The following DGKI variants were observed in gnomAD, a reference collection of about 807,000 sequenced individuals.
DGKI encodes diacylglycerol kinase iota.
In DGKI, 55 loss-of-function variants were observed where a neutral mutation model predicts 147.5. That is an observed-to-expected ratio of 0.37 (90% CI 0.30 to 0.47). The LOEUF (loss-of-function observed/expected upper bound fraction) is 0.47. Among genes scored for constraint, DGKI ranks in the 20% least tolerant of loss-of-function variants. DGKI has a pLI of 1.00. For synonymous variants in DGKI, 469 were observed against 477.1 expected (o/e 0.98, Z 0.22); for missense variants, 1,007 against 1,323.8 (o/e 0.76, Z 3.71).
At chr7:137,461,099 G>T (rs116429355) in intron 27 of DGKI, among the ~76,000 whole-genome samples, 5,683 of 152,232 alleles carry the variant, frequency 0.037, 252 homozygotes, top group East Asian at 0.12. Flanking sequence ...ACTTTTCACT[G>T]TACAAATGTA....
chr7:137,552,219 G>T, intron 20 of DGKI, 150 bp downstream of exon 20: 1 of 697,858 alleles, frequency 1.4e-6, no homozygotes, highest in Non-Finnish European at 2.4e-6. Context: ...AAAACTCTAT[G>T]TGTTCCTATG....
intron 1 of DGKI, among the ~76,000 whole-genome samples, chr7:137,833,663 A>T (rs1035648164): frequency 6.6e-6 from 1 of 152,210 alleles, no homozygotes; most frequent in Middle Eastern, 3.2e-3. Context: ...GGATATGAAC[A>T]AATTGGCAAT....
At chr7:137,577,614 A>T (rs573094990) in intron 16 of DGKI, among the ~76,000 whole-genome samples, 1 of 152,302 alleles carries the variant, frequency 6.6e-6, no homozygotes, top group East Asian at 1.9e-4. Flanking sequence ...CAGTCTTTCC[A>T]CTAAGATTTC....
Position 137,668,218 on chromosome 7 carries a change from G to A in DGKI, c.606+10339C>T, listed in dbSNP as rs140765357. Among the ~76,000 whole-genome samples, 449 of 152,310 alleles carry A rather than the reference G, an allele frequency of 2.9e-3. 2 individuals carry two copies. The highest frequency in any genetic ancestry group is 9.8e-3 in the African/African-American group (408 of 41,568). On this transcript the variant is annotated intron_variant, in intron 3 of 32. Transcript: ENST00000614521. ...ATCTGTTCTCATGAGATCCCTAGGGGAACTGACTAATGACAACCACACATG... is the reference window on the plus strand; with the variant it reads ...ATCTGTTCTCATGAGATCCCTAGGGAAACTGACTAATGACAACCACACATG...
intron 19 of DGKI, among the ~76,000 whole-genome samples, chr7:137,559,969 A>G (rs758321261): frequency 6.6e-6 from 1 of 152,224 alleles, no homozygotes. Flanking sequence ...ATCTTTTAAT[A>G]CTGGTCCAGT....
Position 137,552,402 on chromosome 7 carries a change from C to CTCT in DGKI, c.2111_2113dup (p.Lys704dup), listed in dbSNP as rs775998044. 6.2e-7 allele frequency: 1 copy of CTCT among 1,613,616 alleles called. No individual in the cohort carries two copies. The highest frequency in any genetic ancestry group is 1.3e-5 in the African/African-American group (1 of 74,910). On this transcript the variant is annotated inframe_insertion, in exon 20 of 33. Coordinates refer to ENST00000614521, the MANE Select transcript of DGKI (RefSeq NM_001321708.2). ...TAAAGGCATGGATGTTCTCCTCTTGCTCTTCTGTACCATGTTGGCCTGATT... is the reference window on the plus strand; with the variant it reads ...TAAAGGCATGGATGTTCTCCTCTTGCTCTTCTTCTGTACCATGTTGGCCTGATT...
intron 19 of DGKI, among the ~76,000 whole-genome samples, 164 bp from the exon 20 acceptor site, chr7:137,552,732 G>A (rs887309073): frequency 1.3e-5 from 2 of 150,076 alleles, no homozygotes; most frequent in Non-Finnish European, 2.9e-5. Flanking sequence ...AACATGGCGA[G>A]ACCCGGTCTC....
chr7:137,425,996 C>T (rs535488554), intron 28 of DGKI, among the ~76,000 whole-genome samples: 3 of 152,194 alleles, frequency 2.0e-5, no homozygotes, highest in Non-Finnish European at 4.4e-5. Flanking sequence ...TCCAGGAGAA[C>T]TTCCCCAATC....
chr7:137,550,171 T>G (rs1203224223), intron 20 of DGKI, among the ~76,000 whole-genome samples: 3 of 150,728 alleles, frequency 2.0e-5, no homozygotes, highest in Non-Finnish European at 3.0e-5. Flanking sequence ...GTTTGAGTTT[T>G]TTTTTTTTTT....
At chr7:137,413,815 G>T (rs1157652458) in intron 28 of DGKI, among the ~76,000 whole-genome samples, 1 of 152,080 alleles carries the variant, frequency 6.6e-6, no homozygotes, top group African/African-American at 2.4e-5. Flanking sequence ...GGGATTGCTG[G>T]GTCGAATGGT....
At chr7:137,484,366 T>G (rs562020511) in intron 23 of DGKI, among the ~76,000 whole-genome samples, 2 of 152,228 alleles carry the variant, frequency 1.3e-5, no homozygotes, top group African/African-American at 2.4e-5. Flanking sequence ...CAAAGTGAAG[T>G]GCTAAACCAG....
At chr7:137,717,594 G>A (rs1794418331) in intron 1 of DGKI, among the ~76,000 whole-genome samples, 1 of 152,080 alleles carries the variant, frequency 6.6e-6, no homozygotes, top group Non-Finnish European at 1.5e-5. Flanking sequence ...TTATGTGTGT[G>A]TGTACATACT....
chr7:137,596,520 C>T (rs1819803916), intron 12 of DGKI, among the ~76,000 whole-genome samples: 1 of 152,058 alleles, frequency 6.6e-6, no homozygotes. Context: ...ACACTAAAAT[C>T]AATTGAAATT....
At chr7:137,554,288 G>A (rs1370583782) in intron 19 of DGKI, among the ~76,000 whole-genome samples, 2 of 152,072 alleles carry the variant, frequency 1.3e-5, no homozygotes, top group Non-Finnish European at 2.9e-5. Flanking sequence ...GTCTCAGATT[G>A]GTCTAGGCTT....
intron 15 of DGKI, 129 bp downstream of exon 15, chr7:137,581,721 T>C (rs1386794289): frequency 1.3e-6 from 1 of 745,462 alleles, no homozygotes; most frequent in Non-Finnish European, 2.2e-6. Context: ...AGAGTCATCC[T>C]GAAGGTTAAA....
chr7:137,530,752 C>T (rs1216271829), intron 20 of DGKI, among the ~76,000 whole-genome samples: 1 of 152,096 alleles, frequency 6.6e-6, no homozygotes, highest in Admixed American at 6.5e-5. Context: ...TGAATGGGAC[C>T]ACTCAAAAGA....
intron 21 of DGKI, among the ~76,000 whole-genome samples, chr7:137,516,082 C>T (rs1206782877): frequency 1.3e-5 from 2 of 152,030 alleles, no homozygotes. Flanking sequence ...TACTGAACAG[C>T]CCTGTTGTCA....
At chr7:137,546,034 G>A in intron 20 of DGKI, 1 of 651,054 alleles carries the variant, frequency 1.5e-6, no homozygotes, top group Admixed American at 2.2e-5. Context: ...ACAAGCCAGG[G>A]GAGAGAAAGA....
At position 137,846,446 on chromosome 7, in the gene DGKI, G is replaced by C; in HGVS notation, c.401+16C>G. On this transcript the variant is annotated intron_variant, in intron 1 of 32. Coordinates refer to ENST00000614521, the MANE Select transcript of DGKI (RefSeq NM_001321708.2). The surrounding 1 kb of genome is among the most constrained non-coding windows in gnomAD (Gnocchi z 4.0). ...CCGCGGCGCACCTGTCTCGGCTGCC[G>C]GCTCCCCGCACCTACCTGTACGAGA... The C allele has an allele frequency of 1.3e-6, 2 of 1,571,064 alleles. No homozygotes were observed. The highest frequency in any genetic ancestry group is 8.6e-7 in the Non-Finnish European group (1 of 1,156,108).
Sources: allele counts gnomAD v4.1 joint callset (sites outside exome capture counted in the v4.1 genomes callset), GRCh38; gene constraint gnomAD v4.1.1; non-coding constraint Gnocchi (gnomAD v3.1); transcripts MANE v1.5; gene names NCBI Gene and HGNC (gene_info 2026-07-23, HGNC 2026-07-21).